FUT8: variants seen among roughly 807,000 people sequenced by gnomAD.
FUT8 encodes fucosyltransferase 8, also known as alpha-(1,6)-fucosyltransferase.
FUT8 carries 29 observed loss-of-function variants against 71.3 expected under a neutral mutation model. The ratio of observed to expected loss-of-function variants is 0.41; its 90% CI spans 0.30 to 0.55. The LOEUF is 0.55. Among genes scored for constraint, FUT8 ranks in the 20% least tolerant of loss-of-function variants. FUT8 has a pLI of 0.34. For missense variants in FUT8, 544 were observed against 702.1 expected, an observed-to-expected ratio of 0.77 and a Z score of 2.55; for synonymous variants, 254 against 239.3, an observed-to-expected ratio of 1.06 and a Z score of -0.57.
chr14:65,589,796 G>C (rs1399592522), intron 3 of FUT8, among the ~76,000 whole-genome samples: 1 of 152,118 alleles, frequency 6.6e-6, no homozygotes, highest in Non-Finnish European at 1.5e-5. Context: ...TCAGTTTAAA[G>C]ACCTCTCTTC....
chr14:65,374,147 C>G, the FUT8 span, among the ~76,000 whole-genome samples: 1 of 152,102 alleles, frequency 6.6e-6, no homozygotes. Context: ...GTTTATTTCT[C>G]TCATTTACTG....
At chr14:65,468,433 T>C (rs1474168496) in intron 2 of FUT8, 1 of 377,548 alleles carries the variant, frequency 2.6e-6, no homozygotes, top group Non-Finnish European at 5.0e-6. Flanking sequence ...CACTTCACTC[T>C]TTTTGCTTGC....
chr14:65,626,793 T>A (rs1180478105), intron 5 of FUT8, among the ~76,000 whole-genome samples: 1 of 152,236 alleles, frequency 6.6e-6, no homozygotes, highest in Non-Finnish European at 1.5e-5. Context: ...TGTAAGTGAT[T>A]TCTAGATGTG....
In FUT8 at chr14:65,638,810, T is replaced by C. The variant is rs896472772; in HGVS notation, c.597+9204T>C. On this transcript the variant is annotated intron_variant, in intron 6 of 10. Coordinates refer to ENST00000673929, the MANE Select transcript of FUT8 (RefSeq NM_001371533.1). The surrounding 1 kb of genome is among the most constrained non-coding windows in gnomAD (Gnocchi z 4.5). ...AATTAATCATCACATATTCTTAGAG[T>C]TGTGAATTGTGTTCTACCAAGTAAT... is the stretch of plus-strand genomic sequence containing the variant. Among the ~76,000 whole-genome samples the C allele has an allele frequency of 3.3e-5, 5 of 152,134 alleles. No individual in the cohort carries two copies. The highest frequency in any genetic ancestry group is 4.8e-5 in the African/African-American group (2 of 41,402).
At chr14:65,720,793 G>A (rs1310184076) in intron 7 of FUT8, among the ~76,000 whole-genome samples, 2 of 152,070 alleles carry the variant, frequency 1.3e-5, no homozygotes, top group African/African-American at 2.4e-5. Flanking sequence ...GGCTCCAACC[G>A]CTGGGATGGA....
chr14:65,616,211 G>A lies in FUT8; in HGVS notation c.320G>A (p.Gly107Asp), dbSNP rs374236653. 2.1e-5 allele frequency: 34 copies of A among 1,603,856 alleles called. No individual in the cohort carries two copies. The highest frequency in any genetic ancestry group is 1.6e-4 in the African/African-American group (12 of 74,252). Reference protein sequence around the residue: ...IENYKKQTRNGLGKDHEILRR... With the variant: ...IENYKKQTRNDLGKDHEILRR... Reference sequence around the variant, plus strand: ...ACAACTCTCTATTCTTTGACTACAGGTCTGGGGAAGGATCATGAAATCCTG... The same window carrying A: ...ACAACTCTCTATTCTTTGACTACAGATCTGGGGAAGGATCATGAAATCCTG... Residue 107 changes from glycine (G) to aspartate (D), a missense_variant and splice_region_variant, in exon 5 of 11, where the codon GGT becomes GAT. Transcript: ENST00000673929.
At chr14:65,594,972 G>A (rs1349464447) in intron 3 of FUT8, among the ~76,000 whole-genome samples, 2 of 152,132 alleles carry the variant, frequency 1.3e-5, no homozygotes, top group African/African-American at 4.8e-5. Context: ...TTGGGAGAGA[G>A]CGGGCACACA....
chr14:65,729,240 A>G (rs1026091019), intron 9 of FUT8, among the ~76,000 whole-genome samples: 1 of 151,178 alleles, frequency 6.6e-6, no homozygotes, highest in Non-Finnish European at 1.5e-5. Context: ...CTGGTCTCGA[A>G]CTCCTGGGCT....
At chr14:65,516,130 T>G (rs1318700065) in intron 2 of FUT8, 1 of 151,516 alleles carries the variant, frequency 6.6e-6, no homozygotes, top group Non-Finnish European at 1.5e-5. Flanking sequence ...TGCTTGTGAA[T>G]AACCACAGCA....
chr14:65,519,354 A>G (rs1463343649), intron 2 of FUT8, among the ~76,000 whole-genome samples: 3 of 152,244 alleles, frequency 2.0e-5, no homozygotes, highest in African/African-American at 7.2e-5. Context: ...AATTTACCTA[A>G]TGTTGAATTA....
chr14:65,508,791 C>G (rs556065223), intron 2 of FUT8, among the ~76,000 whole-genome samples: 1 of 152,146 alleles, frequency 6.6e-6, no homozygotes, highest in South Asian at 2.1e-4. Context: ...CCTGAGCCAC[C>G]GTGCTTGGCC....
intron 1 of FUT8, among the ~76,000 whole-genome samples, chr14:65,429,592 G>A (rs1310992045): frequency 6.6e-6 from 1 of 152,110 alleles, no homozygotes; most frequent in South Asian, 2.1e-4. Flanking sequence ...GGCCAGGCAT[G>A]GTGCCTCATG....
At chr14:65,693,894 A>G (rs566757578) in intron 7 of FUT8, among the ~76,000 whole-genome samples, 2 of 152,316 alleles carry the variant, frequency 1.3e-5, no homozygotes, top group East Asian at 1.9e-4. Flanking sequence ...CAGATTACCA[A>G]ATTCTCCTTG....
chr14:65,445,257 T>A (rs11158596), intron 1 of FUT8, among the ~76,000 whole-genome samples: 53,506 of 152,068 alleles, frequency 0.35, 11,670 homozygotes, highest in Non-Finnish European at 0.49. Context: ...TTTTCTGCCA[T>A]GTGAGGATGT....
chr14:65,419,990 GAT>G (rs1205294702), intron 1 of FUT8, among the ~76,000 whole-genome samples: 5 of 152,162 alleles, frequency 3.3e-5, no homozygotes, highest in Non-Finnish European at 5.9e-5. Flanking sequence ...TACGATGAGA[GAT>G]ATAATGTTAC....
intron 6 of FUT8, among the ~76,000 whole-genome samples, chr14:65,635,770 A>T (rs946402879): frequency 1.3e-5 from 2 of 152,158 alleles, no homozygotes; most frequent in Admixed American, 1.3e-4. Flanking sequence ...GTCTATTTTC[A>T]TCAGAGATAC....
intron 3 of FUT8, among the ~76,000 whole-genome samples, chr14:65,596,160 T>G (rs1887967840): frequency 6.6e-6 from 1 of 152,214 alleles, no homozygotes; most frequent in Non-Finnish European, 1.5e-5. Context: ...GTGGGGTTTT[T>G]TTACCCTTTT....
At chr14:65,506,786 C>T (rs1165730713) in intron 2 of FUT8, among the ~76,000 whole-genome samples, 1 of 152,122 alleles carries the variant, frequency 6.6e-6, no homozygotes, top group Non-Finnish European at 1.5e-5. Flanking sequence ...ACAGACAATC[C>T]AAATACACTC....
Position 65,508,913 on chromosome 14 carries a change from A to G in FUT8, c.-227-52424A>G, listed in dbSNP as rs1006546596. ...TTGCTTGTTTACTTTGCTGTGGAGA[A>G]GCTTTTTAATTTGATGTGATCCCGT... On this transcript the variant is annotated intron_variant, in intron 2 of 10. Coordinates refer to ENST00000673929, the MANE Select transcript of FUT8 (RefSeq NM_001371533.1). Among the ~76,000 whole-genome samples, 5 of 152,194 alleles carry G rather than the reference A, an allele frequency of 3.3e-5. No individual in the cohort carries two copies. In the South Asian group the frequency reaches 8.3e-4, roughly 25 times the overall value.
Sources: allele counts gnomAD v4.1 joint callset (sites outside exome capture counted in the v4.1 genomes callset), GRCh38; gene constraint gnomAD v4.1.1; non-coding constraint Gnocchi (gnomAD v3.1); transcripts MANE v1.5; gene names NCBI Gene and HGNC (gene_info 2026-07-23, HGNC 2026-07-21).